The following CNTNAP2 variants were observed in gnomAD, a reference collection of about 807,000 sequenced individuals.
The protein encoded by CNTNAP2 is contactin-associated protein-like 2.
A neutral mutation model predicts 155.2 loss-of-function variants in CNTNAP2; 98 were observed. That is an observed-to-expected ratio of 0.63 (90% confidence interval 0.54 to 0.75). The LOEUF (loss-of-function observed/expected upper bound fraction) is 0.75. CNTNAP2 is among the 30% of genes least tolerant of loss of function. CNTNAP2 has a pLI of 0.00. For synonymous variants in CNTNAP2, 651 were observed against 631.2 expected, an observed-to-expected ratio of 1.03 and a Z score of -0.47; for missense variants, 1,727 against 1,688.1, an observed-to-expected ratio of 1.02 and a Z score of -0.40.
intron 1 of CNTNAP2, among the ~76,000 whole-genome samples, chr7:146,437,005 G>A (rs577218205): frequency 9.9e-5 from 15 of 151,458 alleles, no homozygotes; most frequent in Non-Finnish European, 1.9e-4. Context: ...GACTGATGCT[G>A]GTGTATGGCC....
chr7:148,321,663 G>T (rs1042866189), intron 21 of CNTNAP2, among the ~76,000 whole-genome samples: 1 of 152,036 alleles, frequency 6.6e-6, no homozygotes, highest in Non-Finnish European at 1.5e-5. Context: ...GACATCCCAG[G>T]TAGGAGGGAT....
chr7:147,809,860 C>T (rs1798152567), intron 13 of CNTNAP2, among the ~76,000 whole-genome samples: 1 of 152,162 alleles, frequency 6.6e-6, no homozygotes, highest in Non-Finnish European at 1.5e-5. Context: ...CTTCTTCATT[C>T]CCGTGTGAGG....
At chr7:147,319,462 C>G (rs1795303732) in intron 9 of CNTNAP2, among the ~76,000 whole-genome samples, 1 of 152,162 alleles carries the variant, frequency 6.6e-6, no homozygotes, top group South Asian at 2.1e-4. Flanking sequence ...ACTGCAACCT[C>G]TGCCTCCCAG....
At chr7:148,331,750 A>T (rs7456482) in intron 21 of CNTNAP2, among the ~76,000 whole-genome samples, 435 of 3,086 alleles carry the variant, frequency 0.14, 41 homozygotes, top group Admixed American at 0.17. Context: ...GATGGATGGA[A>T]CGGACGGATG....
At chr7:147,057,217 T>A (rs998603517) in intron 4 of CNTNAP2, among the ~76,000 whole-genome samples, 1 of 152,134 alleles carries the variant, frequency 6.6e-6, no homozygotes, top group East Asian at 1.9e-4. Flanking sequence ...ATGCAATGTG[T>A]TTCCTCCTTT....
chr7:147,392,024 C>G (rs547040731), intron 9 of CNTNAP2, among the ~76,000 whole-genome samples: 4 of 152,190 alleles, frequency 2.6e-5, no homozygotes, highest in East Asian at 1.9e-4. Flanking sequence ...CTTCAATACT[C>G]TACCTGGAAA....
At chr7:148,140,931 T>G (rs1035947924) in intron 16 of CNTNAP2, among the ~76,000 whole-genome samples, 1 of 152,150 alleles carries the variant, frequency 6.6e-6, no homozygotes, top group Non-Finnish European at 1.5e-5. Context: ...GTTCTGAAAA[T>G]CTCTCTGTTG....
chr7:146,737,237 G>C (rs1449132976), intron 1 of CNTNAP2, among the ~76,000 whole-genome samples: 2 of 152,002 alleles, frequency 1.3e-5, no homozygotes, highest in Admixed American at 1.3e-4. Context: ...GACTAAATCT[G>C]GCTAACTATT....
In CNTNAP2 at chr7:146,849,277, CAACTG is replaced by C. The variant is rs924066701; in HGVS notation, c.402+9381_402+9385del. 1.5e-4 allele frequency among the ~76,000 whole-genome samples: 23 copies of C among 152,234 alleles called. 1 individual carries two copies. The East Asian group carries it at 1.9e-3, about 13-fold the overall frequency. On this transcript the variant is annotated intron_variant, in intron 3 of 23. Coordinates refer to ENST00000361727, the MANE Select transcript of CNTNAP2 (RefSeq NM_014141.6). Reference sequence around the variant, plus strand: ...CACAAAACAGATGTTTATGAGTTTACAACTGAACTGAAGTATCTCATTCTGTAGAT... The same window carrying C: ...CACAAAACAGATGTTTATGAGTTTACAACTGAAGTATCTCATTCTGTAGAT...
At chr7:148,256,998 G>T (rs1796466465) in intron 20 of CNTNAP2, among the ~76,000 whole-genome samples, 1 of 152,122 alleles carries the variant, frequency 6.6e-6, no homozygotes, top group Non-Finnish European at 1.5e-5. Flanking sequence ...AGCACAAATT[G>T]ATTATTGTAT....
At chr7:147,018,726 A>G (rs1798769184) in intron 3 of CNTNAP2, among the ~76,000 whole-genome samples, 1 of 152,088 alleles carries the variant, frequency 6.6e-6, no homozygotes, top group Non-Finnish European at 1.5e-5. Flanking sequence ...AACAAATAGT[A>G]AAGTATTTGG....
intron 1 of CNTNAP2, among the ~76,000 whole-genome samples, chr7:146,244,513 C>T (rs1054791666): frequency 6.6e-6 from 1 of 152,178 alleles, no homozygotes; most frequent in Non-Finnish European, 1.5e-5. Flanking sequence ...ACAGGTCTGA[C>T]TTCTGAGAAG....
At chr7:146,946,138 C>T (rs1377392747) in intron 3 of CNTNAP2, among the ~76,000 whole-genome samples, 1 of 151,160 alleles carries the variant, frequency 6.6e-6, no homozygotes, top group Non-Finnish European at 1.5e-5. Flanking sequence ...TTCCTTCCTT[C>T]CTTTCTTCTT....
chr7:146,622,160 T>TACACATATATAC (rs1346359759), intron 1 of CNTNAP2, among the ~76,000 whole-genome samples: 8 of 151,332 alleles, frequency 5.3e-5, no homozygotes, highest in Non-Finnish European at 2.9e-5. Flanking sequence ...CGTATATATA[T>TACACATATATAC]ATACACACAC....
intron 1 of CNTNAP2, among the ~76,000 whole-genome samples, chr7:146,254,698 A>G (rs1201047362): frequency 6.6e-6 from 1 of 152,194 alleles, no homozygotes; most frequent in Non-Finnish European, 1.5e-5. Flanking sequence ...AAGTACTTTA[A>G]AAACTTAGAA....
chr7:147,761,582 C>T (rs1312820133), intron 13 of CNTNAP2, among the ~76,000 whole-genome samples: 3 of 152,154 alleles, frequency 2.0e-5, no homozygotes, highest in Non-Finnish European at 2.9e-5. Context: ...CTGTAGAAGG[C>T]TCAAACTAGG....
intron 16 of CNTNAP2, among the ~76,000 whole-genome samples, chr7:148,128,801 A>G (rs1268327509): frequency 2.0e-5 from 3 of 152,194 alleles, no homozygotes; most frequent in Non-Finnish European, 4.4e-5. Flanking sequence ...ACAGAGTGAC[A>G]TCTCTCTACA....
In CNTNAP2 at chr7:147,687,849, G is replaced by GATAACATCC. The variant is rs1286994808; in HGVS notation, c.2098+48547_2098+48555dup. ...AAGAGTGAACTCTCACCTTCTCTATGATAACATCCATATTTACATAAAATC... is the reference window on the plus strand; with the variant it reads ...AAGAGTGAACTCTCACCTTCTCTATGATAACATCCATAACATCCATATTTACATAAAATC... On this transcript the variant is annotated intron_variant, in intron 13 of 23. Coordinates refer to ENST00000361727, the MANE Select transcript of CNTNAP2 (RefSeq NM_014141.6). 3.3e-5 allele frequency among the ~76,000 whole-genome samples: 5 copies of GATAACATCC among 152,186 alleles called. No homozygotes were observed. The East Asian group carries it at 9.7e-4, about 29-fold the overall frequency.
chr7:148,067,948 G>A (rs536568440), intron 15 of CNTNAP2, among the ~76,000 whole-genome samples: 1 of 152,110 alleles, frequency 6.6e-6, no homozygotes, highest in East Asian at 1.9e-4. Flanking sequence ...TCAGTGACTG[G>A]CCTCACTCAC....
Sources: allele counts gnomAD v4.1 joint callset (sites outside exome capture counted in the v4.1 genomes callset), GRCh38; gene constraint gnomAD v4.1.1; transcripts MANE v1.5; gene names NCBI Gene and HGNC (gene_info 2026-07-23, HGNC 2026-07-21).